ZC3H12B: variants seen among roughly 807,000 people sequenced by gnomAD.
ZC3H12B encodes the protein probable ribonuclease ZC3H12B.
In ZC3H12B, 7 loss-of-function variants were observed where a neutral mutation model predicts 43.9. That is an observed-to-expected ratio of 0.16 (90% confidence interval 0.09 to 0.30). The LOEUF is 0.30. Ranked by LOEUF, ZC3H12B falls within the 10% of genes least tolerant of loss-of-function variation. The pLI is 1.00. For synonymous variants in ZC3H12B, 222 were observed against 241.7 expected (o/e 0.92, Z 0.76); for missense variants, 475 against 670.2 (o/e 0.71, Z 3.22).
chrX:65,189,145 C>T, the ZC3H12B span, among the ~76,000 whole-genome samples: 1 of 105,406 alleles, frequency 9.5e-6, no homozygotes, highest in African/African-American at 3.5e-5. Flanking sequence ...TTTATGACTG[C>T]ATAGTATTCC....
At chrX:65,181,123 G>A in the ZC3H12B span, among the ~76,000 whole-genome samples, 4 of 111,408 alleles carry the variant, frequency 3.6e-5, no homozygotes, top group Admixed American at 1.9e-4. Flanking sequence ...TTTGGTCTTC[G>A]AAAAACCTGA....
chrX:65,271,316 A>T, the ZC3H12B span: 1 of 112,776 alleles, frequency 8.9e-6, no homozygotes, highest in Non-Finnish European at 1.9e-5. Flanking sequence ...TATAACTGAC[A>T]TGTCTTAACA....
the ZC3H12B span, among the ~76,000 whole-genome samples, chrX:65,265,302 G>C: frequency 8.9e-6 from 1 of 111,916 alleles, no homozygotes; most frequent in African/African-American, 3.2e-5. Context: ...ACGAATATCT[G>C]ATACAGTGGG....
the ZC3H12B span, among the ~76,000 whole-genome samples, chrX:65,282,436 G>A: frequency 3.0e-4 from 34 of 111,689 alleles, no homozygotes; most frequent in Non-Finnish European, 6.2e-4. Flanking sequence ...GAGCAATAAG[G>A]CAACGTAGAA....
At chrX:65,067,258 G>A in the ZC3H12B span, among the ~76,000 whole-genome samples, 8 of 111,432 alleles carry the variant, frequency 7.2e-5, no homozygotes, top group African/African-American at 2.3e-4. Context: ...TTGAAACCCA[G>A]GTTTCTGGTG....
At chrX:65,363,649 G>A (rs2066133636), upstream of ZC3H12B, among the ~76,000 whole-genome samples, 1 of 111,325 alleles carries the variant, frequency 9.0e-6, no homozygotes, top group Admixed American at 9.5e-5. Context: ...TGAAGTGCAG[G>A]GCTATGCAGT....
At chrX:65,212,228 T>G in the ZC3H12B span, among the ~76,000 whole-genome samples, 3 of 4,950 alleles carry the variant, frequency 6.1e-4, no homozygotes, top group Non-Finnish European at 3.3e-3. Context: ...ATATATTATA[T>G]TATATAGTAT....
the ZC3H12B span, among the ~76,000 whole-genome samples, chrX:65,303,846 C>G: frequency 1.3e-4 from 15 of 112,114 alleles, no homozygotes; most frequent in Middle Eastern, 4.7e-3. Context: ...ATGTGCAAGA[C>G]CTGTACACTG....
intron 2 of ZC3H12B, among the ~76,000 whole-genome samples, chrX:65,391,134 T>G (rs966800172): frequency 4.5e-5 from 5 of 111,969 alleles, no homozygotes; most frequent in Non-Finnish European, 9.4e-5. Flanking sequence ...GAGGACTTTG[T>G]ACCTTTTCAA....
chrX:65,148,354 G>A, the ZC3H12B span, among the ~76,000 whole-genome samples: 37 of 111,417 alleles, frequency 3.3e-4, no homozygotes, highest in Non-Finnish European at 6.4e-4. Context: ...TGGGTTCATG[G>A]AGGCTGGCCT....
At chrX:65,406,487 G>A (rs2066822790) in intron 3 of ZC3H12B, among the ~76,000 whole-genome samples, 1 of 106,044 alleles carries the variant, frequency 9.4e-6, no homozygotes, top group Admixed American at 1.0e-4. Flanking sequence ...CATAAAACAG[G>A]GGATAGAAAG....
the ZC3H12B span, among the ~76,000 whole-genome samples, chrX:65,067,683 C>A: frequency 9.0e-6 from 1 of 111,301 alleles, no homozygotes; most frequent in Non-Finnish European, 1.9e-5. Context: ...TTTAATTTTT[C>A]AAAAAACCAA....
At chrX:65,106,548 C>T in the ZC3H12B span, among the ~76,000 whole-genome samples, 2,134 of 110,727 alleles carry the variant, frequency 0.019, 50 homozygotes, top group African/African-American at 0.065. Context: ...TGCCTAAAAT[C>T]GAGTATAGGT....
chrX:65,387,311 T>G (rs1303284674), intron 2 of ZC3H12B, among the ~76,000 whole-genome samples: 2 of 112,014 alleles, frequency 1.8e-5, no homozygotes, highest in Non-Finnish European at 3.8e-5. Flanking sequence ...ACTGTCTTTA[T>G]GAATCTGGGT....
At chrX:65,271,084 A>C in the ZC3H12B span, 4 of 112,994 alleles carry the variant, frequency 3.5e-5, no homozygotes, top group Non-Finnish European at 7.5e-5. Context: ...ATTACATATG[A>C]TGCTGTTACC....
chrX:65,067,196 A>AC, the ZC3H12B span, among the ~76,000 whole-genome samples: 1 of 109,142 alleles, frequency 9.2e-6, no homozygotes, highest in African/African-American at 3.4e-5. Flanking sequence ...AAAAAAAAAA[A>AC]AACTCGTGCA....
the ZC3H12B span, among the ~76,000 whole-genome samples, chrX:65,188,503 G>T: frequency 2.7e-5 from 3 of 109,861 alleles, no homozygotes; most frequent in African/African-American, 9.9e-5. Flanking sequence ...TTGAATATAG[G>T]CCATTTTAAC....
intron 3 of ZC3H12B, among the ~76,000 whole-genome samples, chrX:65,476,962 C>T (rs1453837319): frequency 9.3e-6 from 1 of 107,172 alleles, no homozygotes; most frequent in South Asian, 4.2e-4. Flanking sequence ...GCTGGGACTA[C>T]AGACATGCAC....
chrX:65,075,558 CA>C, the ZC3H12B span, among the ~76,000 whole-genome samples: 2 of 112,029 alleles, frequency 1.8e-5, no homozygotes, highest in African/African-American at 6.5e-5. Flanking sequence ...GCAGTCCCCC[CA>C]AAAAGACAGA....
Sources: allele counts gnomAD v4.1 joint callset (sites outside exome capture counted in the v4.1 genomes callset), GRCh38; gene constraint gnomAD v4.1.1; transcripts MANE v1.5; gene names NCBI Gene and HGNC (gene_info 2026-07-23, HGNC 2026-07-21).